The following SLC9A9 variants were observed in gnomAD, a reference collection of about 807,000 sequenced individuals.
The protein encoded by SLC9A9 is sodium/hydrogen exchanger 9.
A neutral mutation model predicts 77.8 loss-of-function variants in SLC9A9; 62 were observed. The observed-to-expected ratio is 0.80, with a 90% confidence interval of 0.65 to 0.98. The LOEUF (loss-of-function observed/expected upper bound fraction) is 0.98. Among genes scored for constraint, SLC9A9 ranks in the 50% least tolerant of loss-of-function variants. The pLI is 0.00. For synonymous variants in SLC9A9, 320 were observed against 283.5 expected (o/e 1.13, Z -1.29); for missense variants, 775 against 774.9 (o/e 1.00, Z 0.00).
At chr3:143,398,746 G>A (rs2033784956) in intron 12 of SLC9A9, among the ~76,000 whole-genome samples, 1 of 152,048 alleles carries the variant, frequency 6.6e-6, no homozygotes, top group South Asian at 2.1e-4. Context: ...TGGAAAAATA[G>A]CCAAAGAAGA....
intron 4 of SLC9A9, among the ~76,000 whole-genome samples, chr3:143,730,119 G>C (rs1382705771): frequency 6.6e-6 from 1 of 152,180 alleles, no homozygotes; most frequent in East Asian, 1.9e-4. Flanking sequence ...GGCCAAGTGA[G>C]GTAGAAGTAA....
chr3:143,837,572 G>A (rs752881586), intron 1 of SLC9A9, among the ~76,000 whole-genome samples: 2 of 152,096 alleles, frequency 1.3e-5, no homozygotes, highest in Non-Finnish European at 2.9e-5. Context: ...AGTGTATCAG[G>A]TCCTATTGAT....
At chr3:143,833,093 G>A (rs1025265997) in intron 1 of SLC9A9, among the ~76,000 whole-genome samples, 1 of 152,090 alleles carries the variant, frequency 6.6e-6, no homozygotes, top group African/African-American at 2.4e-5. Context: ...CTTTTTAAAT[G>A]TAGATTTATT....
At chr3:143,696,875 T>G (rs890277795) in intron 4 of SLC9A9, among the ~76,000 whole-genome samples, 2 of 152,092 alleles carry the variant, frequency 1.3e-5, no homozygotes, top group African/African-American at 4.8e-5. Context: ...GAAACGAAAT[T>G]AAAGTTTTTA....
At chr3:143,288,215 A>T (rs1938432038) in intron 14 of SLC9A9, among the ~76,000 whole-genome samples, 1 of 151,970 alleles carries the variant, frequency 6.6e-6, no homozygotes, top group Non-Finnish European at 1.5e-5. Flanking sequence ...TTTCAGCTAT[A>T]CATAGAGTAT....
At chr3:143,416,868 T>TA (rs2034204729) in intron 12 of SLC9A9, among the ~76,000 whole-genome samples, 1 of 152,226 alleles carries the variant, frequency 6.6e-6, no homozygotes, top group Non-Finnish European at 1.5e-5. Flanking sequence ...CGTATATACA[T>TA]ATCAGATATC....
At chr3:143,423,555 A>G (rs2034349819) in intron 12 of SLC9A9, among the ~76,000 whole-genome samples, 1 of 152,236 alleles carries the variant, frequency 6.6e-6, no homozygotes, top group South Asian at 2.1e-4. Flanking sequence ...TAGTGGCCAA[A>G]TTAAAGACAA....
intron 9 of SLC9A9, among the ~76,000 whole-genome samples, chr3:143,550,816 C>T (rs10513209): frequency 0.13 from 19,744 of 152,170 alleles, 1,353 homozygotes; most frequent in African/African-American, 0.15. Flanking sequence ...GGTCTATGTT[C>T]CTCATGTCTC....
chr3:143,440,266 G>T (rs1418866369), intron 12 of SLC9A9, among the ~76,000 whole-genome samples: 1 of 152,190 alleles, frequency 6.6e-6, no homozygotes, highest in Non-Finnish European at 1.5e-5. Context: ...AATCAACAAA[G>T]TCCTTTAAGG....
intron 12 of SLC9A9, among the ~76,000 whole-genome samples, chr3:143,460,670 G>A (rs908515368): frequency 6.6e-6 from 1 of 152,150 alleles, no homozygotes; most frequent in African/African-American, 2.4e-5. Context: ...CAGTTGTGGA[G>A]TTAAAGACTG....
At chr3:143,588,749 C>T (rs1418315281) in intron 6 of SLC9A9, among the ~76,000 whole-genome samples, 1 of 152,268 alleles carries the variant, frequency 6.6e-6, no homozygotes, top group East Asian at 1.9e-4. Flanking sequence ...AAGCAACTTG[C>T]AAATTCACTT....
chr3:143,270,368 G>A (rs1001500712), intron 14 of SLC9A9, among the ~76,000 whole-genome samples: 1 of 152,166 alleles, frequency 6.6e-6, no homozygotes, highest in South Asian at 2.1e-4. Flanking sequence ...TCTGCTATTT[G>A]AATCCTCCAA....
At chr3:143,775,490 T>C (rs1193795284) in intron 4 of SLC9A9, among the ~76,000 whole-genome samples, 1 of 152,222 alleles carries the variant, frequency 6.6e-6, no homozygotes, top group African/African-American at 2.4e-5. Context: ...CATATAGCCC[T>C]GACATGAGAA....
chr3:143,609,619 C>T (rs553204249), intron 6 of SLC9A9, among the ~76,000 whole-genome samples: 4 of 152,084 alleles, frequency 2.6e-5, no homozygotes, highest in Non-Finnish European at 4.4e-5. Flanking sequence ...ACTTCCAGAC[C>T]TAAATACTGT....
intron 8 of SLC9A9, among the ~76,000 whole-genome samples, chr3:143,563,738 T>C (rs2037123887): frequency 6.6e-6 from 1 of 152,194 alleles, no homozygotes; most frequent in Non-Finnish European, 1.5e-5. Context: ...ATAATAAATC[T>C]ATTTGTTGCC....
intron 7 of SLC9A9, among the ~76,000 whole-genome samples, chr3:143,575,109 T>A (rs554643999): frequency 4.9e-4 from 75 of 152,246 alleles, no homozygotes; most frequent in Non-Finnish European, 9.4e-4. Context: ...TGCCAGTGAC[T>A]GGCTGTGTGA....
intron 12 of SLC9A9, among the ~76,000 whole-genome samples, chr3:143,432,546 GGTT>G (rs2034540235): frequency 6.6e-6 from 1 of 152,108 alleles, no homozygotes. Flanking sequence ...ACCGAGAAAA[GGTT>G]GTTAAAACAA....
intron 6 of SLC9A9, among the ~76,000 whole-genome samples, chr3:143,634,143 C>CTTTTTTTTTTTTTTTTTTTTTTTTTTTT (rs1164545805): frequency 2.7e-5 from 4 of 147,962 alleles, no homozygotes; most frequent in African/African-American, 8.0e-5. Context: ...TCCCATAATC[C>CTTTTTTTTTTTTTTTTTTTTTTTTTTTT]TTTCTTTAAG....
chr3:143,668,541 G>A (rs1157143585), intron 5 of SLC9A9, among the ~76,000 whole-genome samples: 1 of 152,040 alleles, frequency 6.6e-6, no homozygotes, highest in Non-Finnish European at 1.5e-5. Flanking sequence ...CCAATAAATA[G>A]CCTATAAACA....
Sources: gnomAD v4.1 joint callset for allele counts (sites outside exome capture counted in the v4.1 genomes callset) on GRCh38, gnomAD v4.1.1 for gene constraint, MANE v1.5 for transcripts, NCBI Gene and HGNC (gene_info 2026-07-23, HGNC 2026-07-21) for gene names.